SLC24A3: variants seen among roughly 807,000 people sequenced by gnomAD.
SLC24A3 encodes sodium/potassium/calcium exchanger 3.
SLC24A3 carries 28 observed loss-of-function variants against 75.8 expected under a neutral mutation model. The ratio of observed to expected loss-of-function variants is 0.37; its 90% CI spans 0.27 to 0.51. The LOEUF is 0.51. Among genes scored for constraint, SLC24A3 ranks in the 20% least tolerant of loss-of-function variants. The probability of loss-of-function intolerance (pLI) is 0.94; values close to 1 mark genes in which losing one functional copy is unlikely to be tolerated. For missense variants in SLC24A3, 663 were observed against 847.8 expected, an observed-to-expected ratio of 0.78 and a Z score of 2.71; for synonymous variants, 372 against 334.1, an observed-to-expected ratio of 1.11 and a Z score of -1.24.
At chr20:19,368,137 T>C (rs1289555459) in intron 2 of SLC24A3, among the ~76,000 whole-genome samples, 2 of 152,066 alleles carry the variant, frequency 1.3e-5, no homozygotes, top group Non-Finnish European at 2.9e-5. Flanking sequence ...CATGCACATT[T>C]AGTTAACATG....
At chr20:19,353,226 T>C (rs1465532804) in intron 2 of SLC24A3, among the ~76,000 whole-genome samples, 1 of 152,224 alleles carries the variant, frequency 6.6e-6, no homozygotes, top group East Asian at 1.9e-4. Context: ...TGACTGTATT[T>C]ATACAGTTGT....
chr20:19,275,564 G>A (rs1193246877), intron 1 of SLC24A3, among the ~76,000 whole-genome samples: 2 of 152,156 alleles, frequency 1.3e-5, no homozygotes, highest in Non-Finnish European at 2.9e-5. Context: ...AGTCAAGGCT[G>A]TTTGTCAGGG....
chr20:19,236,283 G>C (rs1051582980), intron 1 of SLC24A3, among the ~76,000 whole-genome samples: 1 of 152,178 alleles, frequency 6.6e-6, no homozygotes, highest in Admixed American at 6.5e-5. Context: ...CAGTGTGGGA[G>C]TGTGCAAGGG....
rs76544254 is a variant in SLC24A3 at position 19,531,193 on chromosome 20, C to A, written c.348+15629C>A. Among the ~76,000 whole-genome samples, 625 of 152,176 alleles carry A rather than the reference C, an allele frequency of 4.1e-3. 3 individuals carry two copies. The highest frequency in any genetic ancestry group is 6.8e-3 in the Non-Finnish European group (464 of 68,026). On this transcript the variant is annotated intron_variant, in intron 3 of 16. Transcript: ENST00000328041. ...GCCCAGCCACCAGGTTAACAGGCCA[C>A]TGGTCACCCATTTTATTTTTCAGTC...
At chr20:19,408,035 G>A (rs6035327) in intron 2 of SLC24A3, among the ~76,000 whole-genome samples, 82,851 of 151,950 alleles carry the variant, frequency 0.55, 23,048 homozygotes, top group African/African-American at 0.64. Context: ...TTTGCAAAAC[G>A]CTTCTAAGAA....
In SLC24A3 at chr20:19,356,013, G is replaced by T. The variant is rs533186777; in HGVS notation, c.271+74926G>T. 3.1e-3 allele frequency among the ~76,000 whole-genome samples: 469 copies of T among 152,060 alleles called. 1 individual carries two copies. Among genetic ancestry groups the T allele is most frequent in the Admixed American group, 7.3e-3 (112 of 15,274 alleles). On this transcript the variant is annotated intron_variant, in intron 2 of 16. Coordinates refer to ENST00000328041, the MANE Select transcript of SLC24A3 (RefSeq NM_020689.4). The stretch of plus-strand genomic sequence containing the variant: ...AAATTCTACCCATAGTCACCTAGGG[G>T]GTCTATAGACCCCAAATTAAGAACC...
chr20:19,484,798 T>A (rs1988105865), intron 2 of SLC24A3, among the ~76,000 whole-genome samples: 1 of 152,180 alleles, frequency 6.6e-6, no homozygotes, highest in Non-Finnish European at 1.5e-5. Flanking sequence ...ACTACTGAGC[T>A]GTTCATTTAA....
chr20:19,228,056 G>A (rs1231135993), intron 1 of SLC24A3, among the ~76,000 whole-genome samples: 2 of 152,090 alleles, frequency 1.3e-5, no homozygotes, highest in African/African-American at 4.8e-5. Context: ...TACTGGTGAA[G>A]GTTACTCTGG....
chr20:19,568,449 C>T (rs148482920), intron 3 of SLC24A3, among the ~76,000 whole-genome samples: 1 of 152,306 alleles, frequency 6.6e-6, no homozygotes, highest in African/African-American at 2.4e-5. Flanking sequence ...GAAATTCTAA[C>T]ACATGCTGCA....
At chr20:19,705,276 A>G (rs2032916691) in intron 15 of SLC24A3, among the ~76,000 whole-genome samples, 1 of 152,150 alleles carries the variant, frequency 6.6e-6, no homozygotes, top group South Asian at 2.1e-4. Flanking sequence ...ATATTTCTAC[A>G]GGGATTTTCT....
chr20:19,485,483 A>G (rs1186180713), intron 2 of SLC24A3, among the ~76,000 whole-genome samples: 1 of 152,222 alleles, frequency 6.6e-6, no homozygotes, highest in East Asian at 1.9e-4. Flanking sequence ...AACACCTGCT[A>G]GGGCCTCGAG....
At chr20:19,642,342 C>A (rs774551410) in intron 6 of SLC24A3, among the ~76,000 whole-genome samples, 2 of 152,202 alleles carry the variant, frequency 1.3e-5, no homozygotes, top group Non-Finnish European at 2.9e-5. Flanking sequence ...TCTTCTCATA[C>A]GTTTTTGCAC....
intron 2 of SLC24A3, among the ~76,000 whole-genome samples, chr20:19,315,347 T>A (rs1321871514): frequency 1.3e-5 from 2 of 152,170 alleles, no homozygotes; most frequent in African/African-American, 4.8e-5. Flanking sequence ...ACGAGATCAC[T>A]GGGGCTGGGG....
intron 2 of SLC24A3, among the ~76,000 whole-genome samples, chr20:19,454,803 C>A (rs1481185785): frequency 6.6e-6 from 1 of 152,146 alleles, no homozygotes; most frequent in Non-Finnish European, 1.5e-5. Context: ...TGTAAGTTCC[C>A]AGAACCAACA....
chr20:19,447,880 A>C (rs1987413606), intron 2 of SLC24A3, among the ~76,000 whole-genome samples: 1 of 152,224 alleles, frequency 6.6e-6, no homozygotes, highest in Non-Finnish European at 1.5e-5. Context: ...TGGTTATCAC[A>C]GAGTGGGTAC....
chr20:19,720,338 CA>C (rs1312349401), intron 16 of SLC24A3, among the ~76,000 whole-genome samples: 4 of 152,168 alleles, frequency 2.6e-5, no homozygotes, highest in Non-Finnish European at 4.4e-5. Context: ...GCATTGAAAT[CA>C]CAGAGAAAGT....
chr20:19,252,441 TG>T (rs1235384103), intron 1 of SLC24A3, among the ~76,000 whole-genome samples: 1 of 152,152 alleles, frequency 6.6e-6, no homozygotes, highest in Non-Finnish European at 1.5e-5. Flanking sequence ...AGAAAAATCA[TG>T]GTGGTGACGG....
At chr20:19,553,757 G>A (rs1212945391) in intron 3 of SLC24A3, among the ~76,000 whole-genome samples, 1 of 152,172 alleles carries the variant, frequency 6.6e-6, no homozygotes, top group Non-Finnish European at 1.5e-5. Context: ...GGCATGCATT[G>A]GAGTGTACAG....
chr20:19,702,414 AG>A (rs1189334910), intron 15 of SLC24A3, among the ~76,000 whole-genome samples: 1 of 152,194 alleles, frequency 6.6e-6, no homozygotes, highest in Non-Finnish European at 1.5e-5. Context: ...GAATTATACA[AG>A]GGCCACATTA....
Sources: gnomAD v4.1 joint callset for allele counts (sites outside exome capture counted in the v4.1 genomes callset) on GRCh38, gnomAD v4.1.1 for gene constraint, MANE v1.5 for transcripts, NCBI Gene and HGNC (gene_info 2026-07-23, HGNC 2026-07-21) for gene names.